The following PDE7A variants were observed in gnomAD, a reference collection of about 807,000 sequenced individuals.
PDE7A encodes phosphodiesterase 7A.
Under a neutral mutation model 64.3 loss-of-function variants are expected in PDE7A, and 39 were observed. That is an observed-to-expected ratio of 0.61 (90% confidence interval 0.47 to 0.79). PDE7A has a LOEUF of 0.79. PDE7A is among the 30% of genes least tolerant of loss of function. The pLI, the probability that PDE7A is intolerant of heterozygous loss-of-function variation, is 0.00. For synonymous variants in PDE7A, 203 were observed against 206.8 expected (o/e 0.98, Z 0.16); for missense variants, 470 against 582.8 (o/e 0.81, Z 1.99).
chr8:65,790,699 CT>C (rs1168881898), intron 1 of PDE7A, among the ~76,000 whole-genome samples: 1 of 152,190 alleles, frequency 6.6e-6, no homozygotes. Context: ...ATTTTCACTT[CT>C]TGCTACAGAA....
At chr8:65,823,387 T>C (rs1810588463) in intron 1 of PDE7A, among the ~76,000 whole-genome samples, 1 of 152,188 alleles carries the variant, frequency 6.6e-6, no homozygotes, top group African/African-American at 2.4e-5. Flanking sequence ...TTGTATGTTA[T>C]TATTATTTAA....
chr8:65,780,024 CT>C (rs933820502), intron 2 of PDE7A, among the ~76,000 whole-genome samples: 15 of 151,736 alleles, frequency 9.9e-5, no homozygotes, highest in Non-Finnish European at 1.3e-4. Context: ...AAATCTACCC[CT>C]ATAATAATTA....
At chr8:65,750,721 T>C (rs150905248) in intron 3 of PDE7A, among the ~76,000 whole-genome samples, 2 of 152,188 alleles carry the variant, frequency 1.3e-5, no homozygotes, top group Admixed American at 6.5e-5. Flanking sequence ...GAAATCATGG[T>C]TGTATCCTCC....
intron 3 of PDE7A, among the ~76,000 whole-genome samples, chr8:65,777,077 C>CTTT (rs56661178): frequency 5.6e-4 from 51 of 90,424 alleles, no homozygotes; most frequent in South Asian, 1.7e-3. Flanking sequence ...TTATCAAATG[C>CTTT]TTTTTTTTTT....
chr8:65,822,043 G>GA (rs143545640), intron 1 of PDE7A, among the ~76,000 whole-genome samples: 9,622 of 152,110 alleles, frequency 0.063, 384 homozygotes, highest in Middle Eastern at 0.11. Flanking sequence ...CTTTTATGCT[G>GA]AAACAAAGAG....
intron 3 of PDE7A, among the ~76,000 whole-genome samples, chr8:65,765,244 C>T (rs1808708443): frequency 6.6e-6 from 1 of 151,980 alleles, no homozygotes; most frequent in Non-Finnish European, 1.5e-5. Flanking sequence ...AATCCCAGCA[C>T]TTTGGGAGGC....
chr8:65,772,364 T>C (rs1241996497), intron 3 of PDE7A, among the ~76,000 whole-genome samples: 2 of 152,218 alleles, frequency 1.3e-5, no homozygotes, highest in Non-Finnish European at 2.9e-5. Flanking sequence ...AGAGGGCACA[T>C]TATAGTCTTT....
At position 65,727,205 on chromosome 8, in the gene PDE7A, T is replaced by C; in HGVS notation, c.793A>G (p.Ile265Val). 2 of 1,612,664 alleles carry C rather than the reference T, an allele frequency of 1.2e-6. No individual in the cohort carries two copies. Among genetic ancestry groups the C allele is most frequent in the Non-Finnish European group, 1.7e-6 (2 of 1,178,790 alleles). Reference protein sequence around the residue: ...DHPGVNQPFLIKTNHYLATLY... With the variant: ...DHPGVNQPFLVKTNHYLATLY... ...GTTGCCAAGTAATGGTTAGTTTTAA[T>C]AAGGAAAGGTTGATTAACACCTGGA... The change falls in exon 8 of 13, where the codon ATT becomes GTT. Residue 265 changes from isoleucine to valine, a missense_variant. Transcript: ENST00000401827.
intron 3 of PDE7A, among the ~76,000 whole-genome samples, chr8:65,760,845 C>A (rs1808452445): frequency 1.3e-5 from 2 of 151,994 alleles, no homozygotes; most frequent in African/African-American, 2.4e-5. Context: ...GTTAGCGAAA[C>A]CTGAGTGAAA....
intron 7 of PDE7A, among the ~76,000 whole-genome samples, chr8:65,730,171 C>CTTTTTTTTTTTTTTTTTTTTTTTTTTTTT (rs1179431555): frequency 1.2e-5 from 1 of 86,448 alleles, no homozygotes; most frequent in Non-Finnish European, 2.1e-5. Flanking sequence ...TTGCGCACTT[C>CTTTTTTTTTTTTTTTTTTTTTTTTTTTTT]TTTTTTTTTT....
intron 1 of PDE7A, among the ~76,000 whole-genome samples, chr8:65,835,193 A>C (rs1188068776): frequency 1.3e-5 from 2 of 152,222 alleles, no homozygotes; most frequent in African/African-American, 2.4e-5. Flanking sequence ...AATTATTTTT[A>C]AATTAGAAGA....
At chr8:65,818,571 T>C (rs1563519295) in intron 1 of PDE7A, among the ~76,000 whole-genome samples, 1 of 152,232 alleles carries the variant, frequency 6.6e-6, no homozygotes, top group Non-Finnish European at 1.5e-5. Flanking sequence ...TCCATCTTTG[T>C]TGATGGGCAT....
In PDE7A at chr8:65,724,978, A is replaced by C. The variant is rs1043975046; in HGVS notation, c.921-57T>G. On this transcript the variant is annotated intron_variant, in intron 9 of 12. Coordinates refer to ENST00000401827, the MANE Select transcript of PDE7A (RefSeq NM_001242318.3). ...AAGACTTTCAATTAACTATTTATTG[A>C]TTTTTTTTCTTAACCATAATAATCG... 1.4e-5 allele frequency: 16 copies of C among 1,168,946 alleles called. No individual in the cohort carries two copies. In the South Asian group the frequency reaches 2.4e-4, roughly 18 times the overall value. 72.4% of individuals were successfully genotyped at this position (1,168,946 alleles called of 1,614,324 possible).
chr8:65,814,535 A>G, intron 1 of PDE7A, among the ~76,000 whole-genome samples: 1 of 134,740 alleles, frequency 7.4e-6, no homozygotes, highest in South Asian at 2.4e-4. Flanking sequence ...AAAAAAAAAA[A>G]GGACTTTCAT....
chr8:65,795,445 C>T (rs982001917), intron 1 of PDE7A, among the ~76,000 whole-genome samples: 1 of 152,112 alleles, frequency 6.6e-6, no homozygotes, highest in Admixed American at 6.5e-5. Flanking sequence ...ATGGTGGATC[C>T]CCTTGAATCT....
chr8:65,737,116 AAACT>A (rs1026835736), intron 6 of PDE7A, among the ~76,000 whole-genome samples: 5 of 152,004 alleles, frequency 3.3e-5, no homozygotes, highest in African/African-American at 9.7e-5. Context: ...TCAAACAAAC[AAACT>A]AACTAAAAAC....
In PDE7A at chr8:65,803,797, T is replaced by A. The variant is rs778965630; in HGVS notation, c.139-20954A>T. ...GAGTTTTTAAGTTTACTTTCTGAAA[T>A]ATACATGAATTCATGAAGCTCCTGT... is the stretch of plus-strand genomic sequence containing the variant. On this transcript the variant is annotated intron_variant, in intron 1 of 12. Coordinates refer to ENST00000401827, the MANE Select transcript of PDE7A (RefSeq NM_001242318.3). 8.0e-4 allele frequency among the ~76,000 whole-genome samples: 122 copies of A among 152,202 alleles called. 1 individual carries two copies. The highest frequency in any genetic ancestry group is 2.7e-3 in the African/African-American group (111 of 41,442).
At chr8:65,757,550 T>C (rs1433605482) in intron 3 of PDE7A, among the ~76,000 whole-genome samples, 1 of 152,194 alleles carries the variant, frequency 6.6e-6, no homozygotes. Context: ...CTTTCCGGCA[T>C]CTGGAATAAT....
intron 1 of PDE7A, among the ~76,000 whole-genome samples, chr8:65,830,702 T>TAAAAACC (rs1450079294): frequency 3.9e-5 from 6 of 152,158 alleles, no homozygotes; most frequent in Non-Finnish European, 8.8e-5. Flanking sequence ...CCAAAATAAA[T>TAAAAACC]CTGACACAGA....
Sources: allele counts gnomAD v4.1 joint callset (sites outside exome capture counted in the v4.1 genomes callset), GRCh38; gene constraint gnomAD v4.1.1; transcripts MANE v1.5; gene names NCBI Gene and HGNC (gene_info 2026-07-23, HGNC 2026-07-21).